Variants in CTNNA2 observed in about 807,000 individuals in gnomAD.
The protein encoded by CTNNA2 is catenin alpha-2.
CTNNA2 carries 42 observed loss-of-function variants against 101.0 expected under a neutral mutation model. The observed-to-expected ratio is 0.42, with a 90% CI of 0.32 to 0.54. The LOEUF (loss-of-function observed/expected upper bound fraction) is 0.54. CTNNA2 is among the 20% of genes least tolerant of loss of function. The pLI is 0.14. For missense variants in CTNNA2, 871 were observed against 1,223.1 expected, an observed-to-expected ratio of 0.71 and a Z score of 4.29; for synonymous variants, 450 against 456.4, an observed-to-expected ratio of 0.99 and a Z score of 0.18.
intron 1 of CTNNA2, among the ~76,000 whole-genome samples, chr2:79,598,568 A>G (rs540369672): frequency 1.3e-5 from 2 of 152,148 alleles, no homozygotes; most frequent in Non-Finnish European, 2.9e-5. Context: ...TACGATGTGG[A>G]GCATCTTTTC....
chr2:79,697,201 A>G (rs1033303541), intron 2 of CTNNA2, among the ~76,000 whole-genome samples: 7 of 151,974 alleles, frequency 4.6e-5, no homozygotes, highest in African/African-American at 1.7e-4. Context: ...AAATCACCAA[A>G]ATGTTAAGTT....
intron 18 of CTNNA2, among the ~76,000 whole-genome samples, chr2:80,622,381 T>TG (rs976126128): frequency 2.0e-5 from 3 of 151,876 alleles, no homozygotes; most frequent in Non-Finnish European, 4.4e-5. Flanking sequence ...GATCATCATT[T>TG]GGGGGTATCA....
chr2:79,750,328 T>C (rs1283279847), intron 3 of CTNNA2, among the ~76,000 whole-genome samples: 2 of 152,208 alleles, frequency 1.3e-5, no homozygotes, highest in Non-Finnish European at 2.9e-5. Flanking sequence ...TGTCCAGGCC[T>C]CACCCCTCTT....
intron 9 of CTNNA2, among the ~76,000 whole-genome samples, chr2:80,478,716 A>T (rs934378250): frequency 2.6e-5 from 4 of 151,940 alleles, no homozygotes; most frequent in Non-Finnish European, 5.9e-5. Context: ...TGGGTTCTTT[A>T]TTCTGTTTCA....
At chr2:79,258,560 T>G (rs1674877258) in intron 2 of CTNNA2, among the ~76,000 whole-genome samples, 1 of 152,148 alleles carries the variant, frequency 6.6e-6, no homozygotes, top group African/African-American at 2.4e-5. Flanking sequence ...TGATTGGAGC[T>G]CTCTTCTATT....
At chr2:80,316,868 G>A (rs1678176652) in intron 7 of CTNNA2, among the ~76,000 whole-genome samples, 1 of 152,038 alleles carries the variant, frequency 6.6e-6, no homozygotes, top group Non-Finnish European at 1.5e-5. Flanking sequence ...TGAGCAACTT[G>A]GTAAGCAAAT....
intron 7 of CTNNA2, among the ~76,000 whole-genome samples, chr2:79,961,278 G>A (rs1363014462): frequency 2.0e-5 from 3 of 152,068 alleles, no homozygotes; most frequent in African/African-American, 4.8e-5. Context: ...CTTGGCATGC[G>A]AACCATTAGC....
intron 7 of CTNNA2, among the ~76,000 whole-genome samples, chr2:79,957,825 G>A (rs74445517): frequency 0.011 from 1,742 of 152,198 alleles, 82 homozygotes; most frequent in East Asian, 0.083. Flanking sequence ...CAACCTTATT[G>A]TACCAAACTA....
intron 6 of CTNNA2, among the ~76,000 whole-genome samples, chr2:79,884,751 C>CT (rs375184305): frequency 0.3 from 41,578 of 138,204 alleles, 6,535 homozygotes; most frequent in Middle Eastern, 0.4. Context: ...TTTAAATATG[C>CT]TTTTTTTTTT....
intron 11 of CTNNA2, among the ~76,000 whole-genome samples, chr2:80,549,059 GC>G (rs1487611280): frequency 6.6e-6 from 1 of 152,130 alleles, no homozygotes; most frequent in Non-Finnish European, 1.5e-5. Context: ...AGTTTGGGGA[GC>G]AATGATGCTA....
At chr2:80,365,415 T>C (rs774269785) in intron 7 of CTNNA2, among the ~76,000 whole-genome samples, 1 of 152,180 alleles carries the variant, frequency 6.6e-6, no homozygotes, top group Admixed American at 6.5e-5. Context: ...ATCTTGTTTT[T>C]GTCATATCTG....
intron 12 of CTNNA2, among the ~76,000 whole-genome samples, chr2:80,562,352 T>C (rs1693682302): frequency 6.6e-6 from 1 of 152,126 alleles, no homozygotes; most frequent in Non-Finnish European, 1.5e-5. Context: ...TGTAAATGAT[T>C]CCTCCTCAAA....
intron 1 of CTNNA2, among the ~76,000 whole-genome samples, chr2:79,521,115 T>G (rs1352226323): frequency 2.8e-3 from 3 of 1,088 alleles, no homozygotes; most frequent in Non-Finnish European, 6.8e-3. Flanking sequence ...CTGATATATA[T>G]ATATATATAT....
chr2:79,919,292 A>G (rs1007016695), intron 7 of CTNNA2, among the ~76,000 whole-genome samples: 7 of 152,186 alleles, frequency 4.6e-5, no homozygotes, highest in Non-Finnish European at 8.8e-5. Context: ...TCTTCCTGGT[A>G]ACAGAATGGA....
At chr2:80,569,634 T>G (rs1201463869) in intron 12 of CTNNA2, among the ~76,000 whole-genome samples, 1 of 24,500 alleles carries the variant, frequency 4.1e-5, no homozygotes, top group Non-Finnish European at 7.1e-5. Context: ...GGTATTTAGG[T>G]TTTTTTTTTT....
In CTNNA2 at chr2:80,302,265, C is replaced by A. The variant is rs1299716133; in HGVS notation, c.1057-90946C>A. ...CACTGGGACAATCACACCTCGCATT[C>A]CCTCGCGGGCTGCTGGTGGCAGGTA... On this transcript the variant is annotated intron_variant, in intron 7 of 18. Coordinates refer to ENST00000402739, the MANE Select transcript of CTNNA2 (RefSeq NM_001282597.3). This position sits in a 1 kb window ranked among gnomAD's most constrained non-coding sequence, Gnocchi z 6.4. 6.2e-7 allele frequency: 1 copy of A among 1,613,260 alleles called. No individual in the cohort carries two copies.
chr2:79,997,693 C>A (rs1198995958), intron 7 of CTNNA2, among the ~76,000 whole-genome samples: 1 of 152,184 alleles, frequency 6.6e-6, no homozygotes, highest in Non-Finnish European at 1.5e-5. Flanking sequence ...ACACAGAAGC[C>A]ACTGCTTCTC....
intron 8 of CTNNA2, among the ~76,000 whole-genome samples, chr2:80,417,040 C>A (rs1465114383): frequency 6.6e-6 from 1 of 151,786 alleles, no homozygotes; most frequent in Non-Finnish European, 1.5e-5. Context: ...CTTTAGAATT[C>A]AGTCATTTTA....
chr2:79,890,583 T>C (rs1211477812), intron 6 of CTNNA2, among the ~76,000 whole-genome samples: 1 of 150,836 alleles, frequency 6.6e-6, no homozygotes, highest in East Asian at 2.0e-4. Context: ...CTTCTTAAGC[T>C]TATTTGGGAC....
Sources: gnomAD v4.1 joint callset for allele counts (sites outside exome capture counted in the v4.1 genomes callset) on GRCh38, gnomAD v4.1.1 for gene constraint, Gnocchi (gnomAD v3.1) non-coding constraint, MANE v1.5 for transcripts, NCBI Gene and HGNC (gene_info 2026-07-23, HGNC 2026-07-21) for gene names.